The following MROH9 variants were observed in gnomAD, a reference collection of about 807,000 sequenced individuals.
MROH9 encodes the protein maestro heat-like repeat-containing protein family member 9.
A neutral mutation model predicts 98.2 loss-of-function variants in MROH9; 92 were observed. That is an observed-to-expected ratio of 0.94 (90% confidence interval 0.79 to 1.11). MROH9 has a LOEUF of 1.11. MROH9 is among the 50% of genes most tolerant of loss of function. The probability of loss-of-function intolerance (pLI) is 0.00; values close to 1 mark genes in which losing one functional copy is unlikely to be tolerated. For missense variants in MROH9, 1,057 were observed against 1,014.8 expected (o/e 1.04, Z -0.57); for synonymous variants, 397 against 368.9 (o/e 1.08, Z -0.87).
At chr1:170,986,826 G>A in intron 10 of MROH9, 116 bp downstream of exon 10, 1 of 1,153,900 alleles carries the variant, frequency 8.7e-7, no homozygotes, top group Non-Finnish European at 1.2e-6. Flanking sequence ...TTCATTATAT[G>A]ACTTCAATAT....
intron 8 of MROH9, among the ~76,000 whole-genome samples, chr1:170,973,014 CTCA>C (rs1571464443): frequency 6.6e-6 from 1 of 151,766 alleles, no homozygotes; most frequent in African/African-American, 2.4e-5. Context: ...AGCCAGTGGT[CTCA>C]TCAAGTTAAA....
At chr1:170,946,078 T>A (rs1489573271) in intron 2 of MROH9, among the ~76,000 whole-genome samples, 4 of 151,532 alleles carry the variant, frequency 2.6e-5, no homozygotes, top group Non-Finnish European at 5.9e-5. Context: ...AAGCAAGAAG[T>A]TATCAAAATA....
chr1:170,971,331 C>A (rs1650448922), intron 7 of MROH9, among the ~76,000 whole-genome samples: 1 of 152,112 alleles, frequency 6.6e-6, no homozygotes, highest in Admixed American at 6.6e-5. Flanking sequence ...GTAGAAACAT[C>A]TAGTGTTTCG....
At chr1:171,029,937 G>A (rs994765686) in intron 20 of MROH9, among the ~76,000 whole-genome samples, 5 of 151,964 alleles carry the variant, frequency 3.3e-5, no homozygotes, top group African/African-American at 9.7e-5. Flanking sequence ...GGCTTTTTTT[G>A]GTTGGTAGGC....
chr1:171,001,707 G>T (rs1159468645), intron 15 of MROH9, among the ~76,000 whole-genome samples: 1 of 152,052 alleles, frequency 6.6e-6, no homozygotes, highest in East Asian at 1.9e-4. Context: ...AACAGAATGT[G>T]TATTCTGTGG....
At chr1:170,998,639 T>A (rs1651677336) in intron 15 of MROH9, 2 of 1,191,202 alleles carry the variant, frequency 1.7e-6, no homozygotes, top group South Asian at 5.0e-5. Context: ...GCAGTACTTC[T>A]GACCATCTAG....
At chr1:171,040,478 T>C (rs1653261101) in intron 20 of MROH9, among the ~76,000 whole-genome samples, 1 of 152,138 alleles carries the variant, frequency 6.6e-6, no homozygotes, top group African/African-American at 2.4e-5. Context: ...GCTTGAGTGT[T>C]GTATTCATTT....
intron 6 of MROH9, among the ~76,000 whole-genome samples, chr1:170,964,702 T>C (rs1650163263): frequency 6.6e-6 from 1 of 152,072 alleles, no homozygotes; most frequent in South Asian, 2.1e-4. Flanking sequence ...ATTTGAGTGG[T>C]GAATTGGCAG....
At chr1:171,057,986 T>C (rs930736065) in intron 20 of MROH9, among the ~76,000 whole-genome samples, 11 of 151,902 alleles carry the variant, frequency 7.2e-5, no homozygotes, top group Non-Finnish European at 1.3e-4. Context: ...AACACCAAAA[T>C]ATATTCTTTC....
chr1:170,996,482 A>C, intron 13 of MROH9, 25 bp from the exon 14 acceptor site: 1 of 1,609,360 alleles, frequency 6.2e-7, no homozygotes, highest in Non-Finnish European at 8.5e-7. Context: ...GCATGTGATG[A>C]CTTTGCTCTC....
Position 171,024,449 on chromosome 1 carries a change from G to C in MROH9, c.1963G>C (p.Asp655His). 1 of 1,551,332 alleles carries C rather than the reference G, an allele frequency of 6.4e-7. No individual in the cohort carries two copies. The highest frequency in any genetic ancestry group is 8.7e-7 in the Non-Finnish European group (1 of 1,146,864). Residue 655 changes from aspartate to histidine, a missense_variant, in exon 18 of 22, where the codon GAT becomes CAT. Asp to His is a moderately conservative substitution (Grantham distance 81). Transcript: ENST00000367759. ...AIRHFGQLVR[D>H]MRQYTWMVND... is the part of the protein sequence containing the mutation. ...TCGACACTTTGGTCAATTAGTTAGGGATATGAGACAGTACACATGGATGGT... is the reference window on the plus strand; with the variant it reads ...TCGACACTTTGGTCAATTAGTTAGGCATATGAGACAGTACACATGGATGGT...
intron 15 of MROH9, among the ~76,000 whole-genome samples, chr1:171,005,927 T>A (rs921055157): frequency 1.3e-5 from 2 of 152,258 alleles, no homozygotes; most frequent in African/African-American, 2.4e-5. Context: ...AATACATTTG[T>A]CTTTTAACTT....
intron 20 of MROH9, among the ~76,000 whole-genome samples, chr1:171,057,700 G>A (rs535321063): frequency 2.0e-5 from 3 of 152,228 alleles, no homozygotes; most frequent in East Asian, 1.9e-4. Context: ...GGGAAAAAAT[G>A]TTAAGGGCAG....
At chr1:171,049,389 G>A (rs1653581487) in intron 20 of MROH9, among the ~76,000 whole-genome samples, 1 of 152,166 alleles carries the variant, frequency 6.6e-6, no homozygotes. Context: ...GAACACAGCA[G>A]TTGTGAGGGA....
chr1:171,029,694 TGTCA>T (rs956152230), intron 20 of MROH9, among the ~76,000 whole-genome samples: 13 of 152,216 alleles, frequency 8.5e-5, no homozygotes, highest in Admixed American at 2.6e-4. Flanking sequence ...AGATTCGATT[TGTCA>T]GTATTTTATT....
chr1:170,960,622 G>C (rs887240460), intron 5 of MROH9, among the ~76,000 whole-genome samples: 1 of 151,888 alleles, frequency 6.6e-6, no homozygotes, highest in Non-Finnish European at 1.5e-5. Flanking sequence ...TCAATATTTG[G>C]TTTCGTTTTG....
chr1:170,983,275 T>G, intron 8 of MROH9, 147 bp from the exon 9 acceptor site: 12 of 583,132 alleles, frequency 2.1e-5, no homozygotes, highest in East Asian at 5.7e-5. Context: ...TAAAATTTTA[T>G]GAGACTAAAC....
chr1:170,953,708 G>T (rs1170673097), intron 3 of MROH9, among the ~76,000 whole-genome samples: 1 of 144,026 alleles, frequency 6.9e-6, no homozygotes, highest in Admixed American at 7.1e-5. Flanking sequence ...ATTTTTAAAA[G>T]CCATGCAATG....
chr1:171,014,342 G>C, intron 16 of MROH9, 88 bp downstream of exon 16: 1 of 1,279,760 alleles, frequency 7.8e-7, no homozygotes, highest in African/African-American at 1.5e-5. Context: ...TGACAAAGCG[G>C]TGATATTTTT....
Sources: gnomAD v4.1 joint callset for allele counts (sites outside exome capture counted in the v4.1 genomes callset) on GRCh38, gnomAD v4.1.1 for gene constraint, MANE v1.5 for transcripts, NCBI Gene and HGNC (gene_info 2026-07-23, HGNC 2026-07-21) for gene names.